The following HPS4 variants were observed in gnomAD, a reference collection of about 807,000 sequenced individuals.
The protein encoded by HPS4 is HPS4 biogenesis of lysosomal organelles complex 3 subunit 2, also known as BLOC-3 complex member HPS4.
A neutral mutation model predicts 70.3 loss-of-function variants in HPS4; 44 were observed. That is an observed-to-expected ratio of 0.63 (90% CI 0.49 to 0.80). The LOEUF (loss-of-function observed/expected upper bound fraction) is 0.80, where lower values mean the gene tolerates loss of function less well. Ranked by LOEUF, HPS4 falls within the 30% of genes least tolerant of loss-of-function variation. The pLI is 0.00. For synonymous variants in HPS4, 377 were observed against 355.9 expected (o/e 1.06, Z -0.67); for missense variants, 873 against 884.4 (o/e 0.99, Z 0.16).
chr22:26,450,413 T>G (rs994072157), downstream of HPS4, among the ~76,000 whole-genome samples: 2 of 152,216 alleles, frequency 1.3e-5, no homozygotes, highest in African/African-American at 2.4e-5. Flanking sequence ...ACAGACACCA[T>G]GGAGGGCGAC....
Position 26,468,996 on chromosome 22 carries a change from A to C in HPS4, c.597-373T>G, listed in dbSNP as rs371273388. 1.4e-4 allele frequency among the ~76,000 whole-genome samples: 21 copies of C among 152,354 alleles called. No homozygotes were observed. In the East Asian group the frequency reaches 4.0e-3, roughly 29 times the overall value. ...TGAGGTAGACCCATATGAACCGGTA[A>C]GGAAATCTTCACTGTATGCGTTGAG... On this transcript the variant is annotated intron_variant, in intron 7 of 13. Coordinates refer to ENST00000398145, the MANE Select transcript of HPS4 (RefSeq NM_022081.6).
rs1198461042 is a variant in HPS4 at position 26,481,738 on chromosome 22, C to A, written c.25G>T (p.Ala9Ser). 6 of 1,614,040 alleles carry A rather than the reference C, an allele frequency of 3.7e-6. No individual in the cohort carries two copies. Among genetic ancestry groups the A allele is most frequent in the Non-Finnish European group, 5.1e-6 (6 of 1,179,986 alleles). MATSTSTEAKSASWWNYFF... is the reference protein window; with the variant it reads MATSTSTESKSASWWNYFF... ...GTTACTCACCACGAGGCTGACTTTG[C>A]CTCTGTGGAGGTAGAGGTGGCCATC... Residue 9 changes from alanine to serine, a missense_variant, in exon 2 of 14, where the codon GCA (alanine) becomes TCA (serine). By Grantham distance (99) the Ala-to-Ser change is moderately conservative (BLOSUM62 1). Coordinates refer to ENST00000398145, the MANE Select transcript of HPS4 (RefSeq NM_022081.6).
Position 26,466,507 on chromosome 22 carries a change from T to C in HPS4, c.670-245A>G. Reference sequence around the variant, plus strand: ...TGCAAGGCAGCAGCTCCACCCAAACTCACATCACACTCTACGTTCTGATTT... The same window carrying C: ...TGCAAGGCAGCAGCTCCACCCAAACCCACATCACACTCTACGTTCTGATTT... On this transcript the variant is annotated intron_variant, in intron 8 of 13. Coordinates refer to ENST00000398145, the MANE Select transcript of HPS4 (RefSeq NM_022081.6). The C allele has an allele frequency of 9.9e-6, 6 of 605,160 alleles. No individual in the cohort carries two copies. The South Asian group carries it at 1.1e-4, about 12-fold the overall frequency. The allele number at this position is 605,160 out of a possible 1,614,324, so 37.5% of individuals were successfully genotyped here. A position where few individuals can be genotyped will look rare whatever the true frequency, so the allele number is the denominator to read the frequency against.
chr22:26,468,485 G>A (rs2089144527), intron 8 of HPS4, 66 bp downstream of exon 8: 2 of 1,403,192 alleles, frequency 1.4e-6, no homozygotes, highest in African/African-American at 1.4e-5. Flanking sequence ...GATCCCTCCA[G>A]CCTCAGGCTC....
At chr22:26,474,276 G>A (rs1361460545) in intron 4 of HPS4, among the ~76,000 whole-genome samples, 2 of 152,006 alleles carry the variant, frequency 1.3e-5, no homozygotes, top group African/African-American at 2.4e-5. Flanking sequence ...ATAGACCCAC[G>A]CTTAAATGGT....
In HPS4 at chr22:26,481,893, A is replaced by G. The variant is rs1434286818; in HGVS notation, c.-131T>C. Reference sequence around the variant, plus strand: ...GGACGTGGTAGGTTTCAGTGTTTTCAGTCACAACTGCCACTTGGTTAGTTT... The same window carrying G: ...GGACGTGGTAGGTTTCAGTGTTTTCGGTCACAACTGCCACTTGGTTAGTTT... On this transcript the variant is annotated 5_prime_UTR_variant, in exon 2 of 14. Coordinates refer to ENST00000398145, the MANE Select transcript of HPS4 (RefSeq NM_022081.6). The G allele has an allele frequency of 1.5e-5, 13 of 866,606 alleles. No homozygotes were observed. The Admixed American group carries it at 2.5e-4, about 16-fold the overall frequency. 53.7% of individuals were successfully genotyped at this position (866,606 alleles called of 1,614,324 possible).
chr22:26,471,296 C>T (rs779715461), intron 6 of HPS4: 2 of 450,906 alleles, frequency 4.4e-6, no homozygotes, highest in East Asian at 1.4e-4. Context: ...TGACTCTATT[C>T]CATCACATAA....
intron 7 of HPS4, among the ~76,000 whole-genome samples, chr22:26,468,844 A>T (rs1045688279): frequency 6.6e-6 from 1 of 152,208 alleles, no homozygotes; most frequent in Non-Finnish European, 1.5e-5. Context: ...TGTATGCGTA[A>T]GAATATTCAT....
At chr22:26,477,889 A>G (rs1602091151) in intron 3 of HPS4, among the ~76,000 whole-genome samples, 1 of 152,164 alleles carries the variant, frequency 6.6e-6, no homozygotes, top group African/African-American at 2.4e-5. Context: ...GAGGAGGGGG[A>G]AAAAGATGAG....
intron 9 of HPS4, chr22:26,465,872 C>T (rs1363038436): frequency 5.4e-6 from 3 of 559,482 alleles, no homozygotes; most frequent in African/African-American, 3.8e-5. Context: ...CAGAATAAAT[C>T]GAAATAACTC....
downstream of HPS4, among the ~76,000 whole-genome samples, chr22:26,446,793 G>C (rs2084968502): frequency 6.6e-6 from 1 of 152,166 alleles, no homozygotes; most frequent in East Asian, 1.9e-4. Context: ...GGAGTGCAGT[G>C]GCGCAATCTC....
In HPS4 at chr22:26,464,146, T is replaced by A. The variant is rs1229168510; in HGVS notation, c.1484A>T (p.Asp495Val). The change falls in exon 11 of 14, where the codon GAT becomes GTT. Residue 495 changes from aspartate (D) to valine (V), a missense_variant. Physicochemically the swap from Asp to Val is radical, Grantham distance 152. Coordinates refer to ENST00000398145, the MANE Select transcript of HPS4 (RefSeq NM_022081.6). ...GGCTGCGTGGCTTTCACAGACCCCA[T>A]CAACATCCTCATCCAGGCCTTGTTC... ...TGEQGLDEDV[D>V]GVCESHAAPG... 1.2e-6 allele frequency: 2 copies of A among 1,614,234 alleles called. No individual in the cohort carries two copies. The highest frequency in any genetic ancestry group is 1.1e-5 in the South Asian group (1 of 91,088).
chr22:26,443,516 A>AGTCT (rs1214687316), downstream of HPS4: 14 of 230,210 alleles, frequency 6.1e-5, no homozygotes, highest in Admixed American at 4.9e-4. Flanking sequence ...TGCCCTTGTA[A>AGTCT]GTCTGTCTTC....
chr22:26,482,826 C>A (rs561393009), intron 1 of HPS4: 3 of 152,190 alleles, frequency 2.0e-5, no homozygotes, highest in Non-Finnish European at 2.9e-5. Context: ...CTAAAATCTG[C>A]GTTCCAGATT....
intron 3 of HPS4, 126 bp downstream of exon 3, chr22:26,479,139 T>C: frequency 1.1e-6 from 1 of 916,698 alleles, no homozygotes; most frequent in South Asian, 1.4e-5. Context: ...CAACTAAGAA[T>C]AAGACAGTAG....
Position 26,464,018 on chromosome 22 carries a change from G to T in HPS4, c.1612C>A (p.Leu538Ile). 6.2e-7 allele frequency: 1 copy of T among 1,614,234 alleles called. No homozygotes were observed. Among genetic ancestry groups the T allele is most frequent in the Non-Finnish European group, 8.5e-7 (1 of 1,180,048 alleles). ...TGAGTGTAGAGATTCATCCTCACGA[G>T]CCCCATGCAGGACTCTGCTGGTGTC... ...RLTPAESCMG[L>I]VRMNLYTHCV... The change falls in exon 11 of 14, where the codon CTC (leucine) becomes ATC (isoleucine). Residue 538 changes from leucine to isoleucine, a missense_variant. By Grantham distance (5) the Leu-to-Ile change is conservative (BLOSUM62 2). Transcript: ENST00000398145.
At chr22:26,465,998 A>G in intron 9 of HPS4, 1 of 1,399,082 alleles carries the variant, frequency 7.1e-7, no homozygotes, top group African/African-American at 1.4e-5. Flanking sequence ...ATATGAAGTT[A>G]AGGAGGGTCT....
At chr22:26,454,515 G>A (rs1425910612) in intron 13 of HPS4, among the ~76,000 whole-genome samples, 1 of 152,162 alleles carries the variant, frequency 6.6e-6, no homozygotes, top group Non-Finnish European at 1.5e-5. Context: ...GTTAAGAAAT[G>A]GTAGCTGTTC....
At chr22:26,443,129 A>C (rs369235514), downstream of HPS4, 2 of 1,614,078 alleles carry the variant, frequency 1.2e-6, no homozygotes, top group African/African-American at 1.3e-5. Flanking sequence ...GGTGGTTTTC[A>C]TGGTGGATTT....
Sources: gnomAD v4.1 joint callset for allele counts (sites outside exome capture counted in the v4.1 genomes callset) on GRCh38, gnomAD v4.1.1 for gene constraint, MANE v1.5 for transcripts, NCBI Gene and HGNC (gene_info 2026-07-23, HGNC 2026-07-21) for gene names.